ALDH1A2: variants seen among roughly 807,000 people sequenced by gnomAD.
ALDH1A2 encodes the protein aldehyde dehydrogenase 1 family member A2.
A neutral mutation model predicts 60.3 loss-of-function variants in ALDH1A2; 27 were observed. The observed-to-expected ratio is 0.45, with a 90% CI of 0.33 to 0.62. ALDH1A2 has a LOEUF of 0.62. Ranked by LOEUF, ALDH1A2 falls within the 20% of genes least tolerant of loss-of-function variation. The pLI, the probability that ALDH1A2 is intolerant of heterozygous loss-of-function variation, is 0.02. For missense variants in ALDH1A2, 581 were observed against 643.8 expected (o/e 0.90, Z 1.06); for synonymous variants, 289 against 232.4 (o/e 1.24, Z -2.21).
intron 7 of ALDH1A2, among the ~76,000 whole-genome samples, chr15:57,987,103 T>C (rs1283368067): frequency 6.6e-6 from 1 of 151,918 alleles, no homozygotes; most frequent in African/African-American, 2.4e-5. Flanking sequence ...CAGAAGAATA[T>C]ACGAACGTCA....
At chr15:58,010,982 T>C (rs940775864) in intron 3 of ALDH1A2, among the ~76,000 whole-genome samples, 1 of 152,194 alleles carries the variant, frequency 6.6e-6, no homozygotes, top group South Asian at 2.1e-4. Context: ...TGAGTATATA[T>C]GTGCATATTC....
chr15:58,024,370 G>A (rs1041666810), intron 1 of ALDH1A2, among the ~76,000 whole-genome samples: 2 of 151,940 alleles, frequency 1.3e-5, no homozygotes, highest in African/African-American at 2.4e-5. Context: ...TGAAAGTTAA[G>A]AGATGAAAAA....
intron 4 of ALDH1A2, among the ~76,000 whole-genome samples, chr15:57,999,197 A>G (rs775782736): frequency 6.6e-6 from 1 of 152,188 alleles, no homozygotes; most frequent in Non-Finnish European, 1.5e-5. Flanking sequence ...AAAATTGACA[A>G]TTTGGATCTA....
chr15:58,043,603 C>A (rs1595686309), intron 1 of ALDH1A2, among the ~76,000 whole-genome samples: 3 of 152,056 alleles, frequency 2.0e-5, no homozygotes, highest in Middle Eastern at 6.8e-3. Flanking sequence ...TTTTAACACA[C>A]AATGAATATA....
intron 7 of ALDH1A2, among the ~76,000 whole-genome samples, chr15:57,970,464 A>G (rs1410134792): frequency 6.6e-6 from 1 of 152,236 alleles, no homozygotes; most frequent in Non-Finnish European, 1.5e-5. Flanking sequence ...TCCCTGGAAG[A>G]GCCACAGTGT....
intron 1 of ALDH1A2, among the ~76,000 whole-genome samples, chr15:58,026,643 G>A (rs140937586): frequency 4.7e-4 from 72 of 152,274 alleles, no homozygotes; most frequent in African/African-American, 1.6e-3. Context: ...ATTGTACGTG[G>A]AGGAACAGTA....
intron 1 of ALDH1A2, among the ~76,000 whole-genome samples, chr15:58,054,267 T>C (rs1896843354): frequency 6.6e-6 from 1 of 151,950 alleles, no homozygotes; most frequent in African/African-American, 2.4e-5. Context: ...AAGGCATAAG[T>C]TTGGTAAGTA....
chr15:58,045,073 A>G (rs1896604444), intron 1 of ALDH1A2, among the ~76,000 whole-genome samples: 1 of 152,134 alleles, frequency 6.6e-6, no homozygotes, highest in Non-Finnish European at 1.5e-5. Flanking sequence ...AACCCCATTA[A>G]AAAGTGGGCA....
At chr15:57,990,338 TAC>T (rs1311065714) in intron 7 of ALDH1A2, 14 of 152,206 alleles carry the variant, frequency 9.2e-5, no homozygotes, top group African/African-American at 2.9e-4. Flanking sequence ...TGTATACAGT[TAC>T]AGATTTACAA....
chr15:57,964,222 T>C (rs1466280319), intron 8 of ALDH1A2, 153 bp from the exon 9 acceptor site: 1 of 711,564 alleles, frequency 1.4e-6, no homozygotes, highest in Admixed American at 2.6e-5. Flanking sequence ...CAACTAGTTC[T>C]AACTACACCC....
At chr15:58,042,577 C>T (rs931145473) in intron 1 of ALDH1A2, among the ~76,000 whole-genome samples, 1 of 151,834 alleles carries the variant, frequency 6.6e-6, no homozygotes, top group Non-Finnish European at 1.5e-5. Context: ...TCTTGAAATC[C>T]TAGAATCACT....
At chr15:58,013,130 T>C (rs1487051021) in intron 3 of ALDH1A2, among the ~76,000 whole-genome samples, 4 of 152,338 alleles carry the variant, frequency 2.6e-5, no homozygotes, top group African/African-American at 9.6e-5. Context: ...TTCTACTGGC[T>C]CACAGAATGA....
intron 1 of ALDH1A2, among the ~76,000 whole-genome samples, chr15:58,031,807 A>G (rs962618562): frequency 6.6e-5 from 10 of 152,234 alleles, no homozygotes; most frequent in African/African-American, 9.6e-5. Context: ...ACAATGAGAT[A>G]CCATCTCACA....
At chr15:57,983,598 T>C (rs1894590449) in intron 7 of ALDH1A2, among the ~76,000 whole-genome samples, 1 of 152,246 alleles carries the variant, frequency 6.6e-6, no homozygotes, top group Non-Finnish European at 1.5e-5. Flanking sequence ...ACACTTCTCC[T>C]AGATACAGAT....
Position 58,033,376 on chromosome 15 carries a change from T to C in ALDH1A2, c.118-19095A>G, listed in dbSNP as rs36115999. On this transcript the variant is annotated intron_variant, in intron 1 of 12. Coordinates refer to ENST00000249750, the MANE Select transcript of ALDH1A2 (RefSeq NM_003888.4). ...GCCTCTTAGTTCTAGTTGATTAAAGTATGTTGTTATTGTTGCTCATTTTAT... is the reference window on the plus strand; with the variant it reads ...GCCTCTTAGTTCTAGTTGATTAAAGCATGTTGTTATTGTTGCTCATTTTAT... Among the ~76,000 whole-genome samples the C allele has an allele frequency of 4.3e-3, 657 of 152,104 alleles. 2 individuals are homozygous for C. Among genetic ancestry groups the C allele is most frequent in the Non-Finnish European group, 5.8e-3 (392 of 67,898 alleles).
At chr15:57,986,190 A>G (rs1212510066) in intron 7 of ALDH1A2, among the ~76,000 whole-genome samples, 3 of 152,198 alleles carry the variant, frequency 2.0e-5, no homozygotes, top group African/African-American at 4.8e-5. Context: ...CAAACATTGG[A>G]TATCAGGCAG....
At chr15:58,027,127 G>A (rs1010881845) in intron 1 of ALDH1A2, among the ~76,000 whole-genome samples, 3 of 152,110 alleles carry the variant, frequency 2.0e-5, no homozygotes, top group African/African-American at 2.4e-5. Flanking sequence ...TCCCAGTAGG[G>A]GCCTAAAGAC....
At chr15:57,982,153 AAC>A (rs1894537240) in intron 7 of ALDH1A2, among the ~76,000 whole-genome samples, 1 of 152,102 alleles carries the variant, frequency 6.6e-6, no homozygotes, top group African/African-American at 2.4e-5. Flanking sequence ...TTAAATAACA[AAC>A]ACACTCTTTC....
chr15:58,045,369 T>C lies in ALDH1A2; in HGVS notation c.117+20165A>G, dbSNP rs1354535809. Among the ~76,000 whole-genome samples the C allele has an allele frequency of 4.6e-5, 7 of 152,052 alleles. No homozygotes were observed. In the East Asian group the frequency reaches 1.4e-3, roughly 29 times the overall value. ...CAAGGATCTAGAACTAGAAATACCGTTTCACCCAGTGATCCCATTACTGGG... is the reference window on the plus strand; with the variant it reads ...CAAGGATCTAGAACTAGAAATACCGCTTCACCCAGTGATCCCATTACTGGG... On this transcript the variant is annotated intron_variant, in intron 1 of 12. Coordinates refer to ENST00000249750, the MANE Select transcript of ALDH1A2 (RefSeq NM_003888.4).
Sources: gnomAD v4.1 joint callset for allele counts (sites outside exome capture counted in the v4.1 genomes callset) on GRCh38, gnomAD v4.1.1 for gene constraint, MANE v1.5 for transcripts, NCBI Gene and HGNC (gene_info 2026-07-23, HGNC 2026-07-21) for gene names.